Variants in GBE1 observed in about 807,000 individuals in gnomAD.
GBE1 encodes 1,4-alpha-glucan branching enzyme 1.
GBE1 carries 70 observed loss-of-function variants against 88.8 expected under a neutral mutation model. That is an observed-to-expected ratio of 0.79 (90% CI 0.65 to 0.96). GBE1 has a LOEUF of 0.96. GBE1 is among the 40% of genes least tolerant of loss of function. The pLI, the probability that GBE1 is intolerant of heterozygous loss-of-function variation, is 0.00. For synonymous variants in GBE1, 284 were observed against 300.1 expected (o/e 0.95, Z 0.56); for missense variants, 872 against 871.0 (o/e 1.00, Z -0.01).
chr3:81,678,435 T>A (rs1705292800), intron 2 of GBE1, among the ~76,000 whole-genome samples: 2 of 152,154 alleles, frequency 1.3e-5, no homozygotes, highest in African/African-American at 4.8e-5. Flanking sequence ...TGGTTTTAAA[T>A]AAAAGTATGT....
intron 14 of GBE1, among the ~76,000 whole-genome samples, chr3:81,520,452 T>C (rs373708412): frequency 6.6e-6 from 1 of 151,710 alleles, no homozygotes; most frequent in South Asian, 2.1e-4. Flanking sequence ...TAAAATGTGG[T>C]ATAATCATTT....
chr3:81,616,791 A>C (rs1704253625), intron 7 of GBE1, among the ~76,000 whole-genome samples: 1 of 152,126 alleles, frequency 6.6e-6, no homozygotes, highest in African/African-American at 2.4e-5. Flanking sequence ...GAAAAATGAC[A>C]TCTTTACTAC....
At chr3:81,564,124 T>C (rs1437385293) in intron 12 of GBE1, among the ~76,000 whole-genome samples, 1 of 152,084 alleles carries the variant, frequency 6.6e-6, no homozygotes, top group Non-Finnish European at 1.5e-5. Flanking sequence ...CTAACACCTT[T>C]ATAAAAGGGC....
Position 81,761,625 on chromosome 3 carries a change from T to C in GBE1, c.-108A>G, listed in dbSNP as rs754678793. 1 of 1,394,994 alleles carries C rather than the reference T, an allele frequency of 7.2e-7. No individual in the cohort carries two copies. The allele number at this position is 1,394,994 out of a possible 1,614,324, so 86.4% of individuals were successfully genotyped here. A position where few individuals can be genotyped will look rare whatever the true frequency, so the allele number is the denominator to read the frequency against. Reference sequence around the variant, plus strand: ...GGCTAGGGCGGAGCCGGAGGGCGCCTAGGCGTGTCGAGGCAAGCCGAGGCG... The same window carrying C: ...GGCTAGGGCGGAGCCGGAGGGCGCCCAGGCGTGTCGAGGCAAGCCGAGGCG... On this transcript the variant is annotated 5_prime_UTR_variant, in exon 1 of 16. Transcript: ENST00000429644.
At chr3:81,682,505 A>G (rs976137095) in intron 2 of GBE1, among the ~76,000 whole-genome samples, 2 of 152,164 alleles carry the variant, frequency 1.3e-5, no homozygotes, top group African/African-American at 4.8e-5. Flanking sequence ...TAGTCATAAA[A>G]AAGGGTATTC....
At chr3:81,614,929 T>C (rs796562045) in intron 7 of GBE1, among the ~76,000 whole-genome samples, 9 of 151,824 alleles carry the variant, frequency 5.9e-5, no homozygotes, top group African/African-American at 2.2e-4. Context: ...CTTGGGAGGC[T>C]GAGGTGGGAG....
intron 14 of GBE1, among the ~76,000 whole-genome samples, chr3:81,510,430 T>C (rs941427347): frequency 6.6e-6 from 1 of 152,192 alleles, no homozygotes; most frequent in Middle Eastern, 3.4e-3. Context: ...CTCAGTGCTT[T>C]AGAAAGCCGA....
chr3:81,652,383 A>C (rs1356993710), intron 3 of GBE1, among the ~76,000 whole-genome samples: 1 of 152,264 alleles, frequency 6.6e-6, no homozygotes, highest in African/African-American at 2.4e-5. Context: ...ATCAAATCAC[A>C]GACTTGACAA....
At chr3:81,620,642 G>A (rs1353266761) in intron 7 of GBE1, among the ~76,000 whole-genome samples, 1 of 152,022 alleles carries the variant, frequency 6.6e-6, no homozygotes, top group African/African-American at 2.4e-5. Flanking sequence ...GACGTGGTCC[G>A]GTAAAAAGAG....
intron 7 of GBE1, among the ~76,000 whole-genome samples, chr3:81,618,047 C>T (rs1704274436): frequency 1.3e-5 from 2 of 151,916 alleles, no homozygotes; most frequent in South Asian, 4.1e-4. Context: ...TGCACAGTGA[C>T]ATAAGTTAAA....
chr3:81,538,380 T>C (rs1465045895), intron 12 of GBE1, among the ~76,000 whole-genome samples: 2 of 151,958 alleles, frequency 1.3e-5, no homozygotes, highest in African/African-American at 4.8e-5. Flanking sequence ...AAAAATATCA[T>C]CCAAATAAAT....
chr3:81,677,703 C>A (rs1705280969), intron 2 of GBE1, among the ~76,000 whole-genome samples: 1 of 152,110 alleles, frequency 6.6e-6, no homozygotes, highest in South Asian at 2.1e-4. Flanking sequence ...TTCTCTCTTC[C>A]CCTCCAGATA....
chr3:81,556,787 A>C (rs1703355035), intron 12 of GBE1, among the ~76,000 whole-genome samples: 1 of 152,068 alleles, frequency 6.6e-6, no homozygotes, highest in Admixed American at 6.6e-5. Context: ...CAGTTAAATA[A>C]AGAATTTCTC....
rs34786377 is a variant in GBE1 at position 81,709,423 on chromosome 3, C to CAA, written c.144-3811_144-3810insTT. ...AAGTAATAACAGGCAATAAAATGAT[C>CAA]AGTGTGGAACAATCAACAAAACAAA... On this transcript the variant is annotated intron_variant, in intron 1 of 15. Coordinates refer to ENST00000429644, the MANE Select transcript of GBE1 (RefSeq NM_000158.4). 2.1e-3 allele frequency among the ~76,000 whole-genome samples: 49 copies of CAA among 23,880 alleles called. No individual in the cohort carries two copies. The East Asian group carries it at 0.35, about 170-fold the overall frequency. The allele number at this position is 23,880 out of a possible 152,430, so 15.7% of individuals were successfully genotyped here.
intron 7 of GBE1, among the ~76,000 whole-genome samples, chr3:81,625,332 ACTGGAGGCAC>A (rs1352500221): frequency 6.6e-6 from 1 of 152,188 alleles, no homozygotes; most frequent in Non-Finnish European, 1.5e-5. Context: ...CACTTCAGTC[ACTGGAGGCAC>A]CTGGAGTCTG....
chr3:81,624,487 T>C (rs1216123605), intron 7 of GBE1, among the ~76,000 whole-genome samples: 1 of 152,218 alleles, frequency 6.6e-6, no homozygotes, highest in East Asian at 1.9e-4. Context: ...TTCATATCTA[T>C]TTTTAAAGTA....
intron 3 of GBE1, chr3:81,654,771 C>T (rs960939492): frequency 2.0e-5 from 3 of 152,136 alleles, no homozygotes; most frequent in African/African-American, 7.2e-5. Flanking sequence ...AATACTACTT[C>T]CACTTCTTTT....
At chr3:81,526,637 C>A (rs1355512998) in intron 14 of GBE1, among the ~76,000 whole-genome samples, 13 of 151,832 alleles carry the variant, frequency 8.6e-5, no homozygotes, top group African/African-American at 1.7e-4. Flanking sequence ...CAAAGAGAAT[C>A]AAATACCTAG....
At chr3:81,722,388 A>G (rs1006457088) in intron 1 of GBE1, among the ~76,000 whole-genome samples, 1 of 152,114 alleles carries the variant, frequency 6.6e-6, no homozygotes, top group Non-Finnish European at 1.5e-5. Flanking sequence ...GAATGTAACT[A>G]TGGTCTCTTG....
Sources: gnomAD v4.1 joint callset for allele counts (sites outside exome capture counted in the v4.1 genomes callset) on GRCh38, gnomAD v4.1.1 for gene constraint, MANE v1.5 for transcripts, NCBI Gene and HGNC (gene_info 2026-07-23, HGNC 2026-07-21) for gene names.